PMFBP1: variants seen among roughly 807,000 people sequenced by gnomAD.
PMFBP1 encodes the protein polyamine-modulated factor 1-binding protein 1.
PMFBP1 carries 131 observed loss-of-function variants against 137.8 expected under a neutral mutation model. The observed-to-expected ratio is 0.95, with a 90% CI of 0.82 to 1.10. PMFBP1 has a LOEUF of 1.10. PMFBP1 is among the 50% of genes least tolerant of loss of function. The pLI is 0.00. For missense variants in PMFBP1, 1,199 were observed against 1,175.4 expected (o/e 1.02, Z -0.29); for synonymous variants, 490 against 450.4 (o/e 1.09, Z -1.11).
chr16:72,122,852 C>A, intron 19 of PMFBP1, 62 bp downstream of exon 19: 3 of 1,511,658 alleles, frequency 2.0e-6, no homozygotes, highest in Admixed American at 1.7e-5. Context: ...CCAGCCCTGG[C>A]TCCCTGCTGA....
chr16:72,228,592 G>T, the PMFBP1 span, among the ~76,000 whole-genome samples: 1 of 152,162 alleles, frequency 6.6e-6, no homozygotes, highest in African/African-American at 2.4e-5. Flanking sequence ...CTCATTGACA[G>T]CTGTATTCCC....
At chr16:72,164,952 A>G (rs768630822) in intron 2 of PMFBP1, 36 bp from the exon 3 acceptor site, 3 of 1,545,676 alleles carry the variant, frequency 1.9e-6, no homozygotes, top group Admixed American at 1.9e-5. Context: ...TCAATTATAA[A>G]CTATCAAGAA....
chr16:72,130,641 C>A lies in PMFBP1; in HGVS notation c.1529G>T (p.Gly510Val). Residue 510 changes from glycine (G) to valine (V), a missense_variant, in exon 11 of 21, where the codon GGT becomes GTT. By Grantham distance (109) the Gly-to-Val change is moderately radical (BLOSUM62 -3). Coordinates refer to ENST00000237353, the MANE Select transcript of PMFBP1 (RefSeq NM_031293.3). ...LEDTQRKLQK[G>V]LLLDKQKADT... The stretch of plus-strand genomic sequence containing the variant: ...TGCCTTCTGCTTGTCCAGGAGGAGA[C>A]CCTTCTGCAGTTTCCTCTGGGTGTC... 1 of 1,613,924 alleles carries A rather than the reference C, an allele frequency of 6.2e-7. No homozygotes were observed.
chr16:72,151,330 T>C (rs2042900354), intron 4 of PMFBP1, among the ~76,000 whole-genome samples: 1 of 152,236 alleles, frequency 6.6e-6, no homozygotes, highest in Non-Finnish European at 1.5e-5. Flanking sequence ...ATTTATTTTC[T>C]TCCTCATCAA....
intron 2 of PMFBP1, among the ~76,000 whole-genome samples, chr16:72,168,274 G>A (rs933282422): frequency 7.2e-5 from 11 of 152,156 alleles, no homozygotes; most frequent in African/African-American, 2.2e-4. Context: ...AAAATGCTGG[G>A]AGAGTGATCA....
Position 72,150,832 on chromosome 16 carries a change from G to A in PMFBP1, c.415-3C>T. The A allele has an allele frequency of 6.2e-7, 1 of 1,610,548 alleles. No individual in the cohort carries two copies. The highest frequency in any genetic ancestry group is 1.7e-4 in the Middle Eastern group (1 of 6,058). On this transcript the variant is annotated splice_polypyrimidine_tract_variant and splice_region_variant and intron_variant, in intron 4 of 20. Coordinates refer to ENST00000237353, the MANE Select transcript of PMFBP1 (RefSeq NM_031293.3). ...ATTTCCTCCTCATAGAGAATCACCTGTAGGTGTAGGAATAAATCCACATTG... is the reference window on the plus strand; with the variant it reads ...ATTTCCTCCTCATAGAGAATCACCTATAGGTGTAGGAATAAATCCACATTG...
chr16:72,125,053 A>C (rs1267944306), intron 16 of PMFBP1, 119 bp from the exon 17 acceptor site: 38 of 1,395,612 alleles, frequency 2.7e-5, no homozygotes, highest in Non-Finnish European at 3.6e-5. Flanking sequence ...TTTTCTTCTC[A>C]GTGGCCAGCA....
At chr16:72,239,300 T>A in the PMFBP1 span, among the ~76,000 whole-genome samples, 1 of 152,200 alleles carries the variant, frequency 6.6e-6, no homozygotes, top group Non-Finnish European at 1.5e-5. Flanking sequence ...GTTTTGAGAC[T>A]TGAAGGAATC....
At chr16:72,224,006 C>T in the PMFBP1 span, among the ~76,000 whole-genome samples, 1 of 152,150 alleles carries the variant, frequency 6.6e-6, no homozygotes, top group Non-Finnish European at 1.5e-5. Context: ...AGATTTGACA[C>T]TGGAAATGAA....
chr16:72,119,198 G>A lies in PMFBP1; in HGVS notation c.*140C>T. On this transcript the variant is annotated 3_prime_UTR_variant, in exon 21 of 21. Coordinates refer to ENST00000237353, the MANE Select transcript of PMFBP1 (RefSeq NM_031293.3). ...AGGAAGTGGACAAAACTCAACAAAA[G>A]TTAGTGTCTTGCAAAATAGGCTGGG... 1 of 963,144 alleles carries A rather than the reference G, an allele frequency of 1.0e-6. No homozygotes were observed. The highest frequency in any genetic ancestry group is 1.6e-6 in the Non-Finnish European group (1 of 620,320). 59.7% of individuals were successfully genotyped at this position (963,144 alleles called of 1,614,324 possible). A position where few individuals can be genotyped will look rare whatever the true frequency, so the allele number is the denominator to read the frequency against.
chr16:72,240,732 C>T, the PMFBP1 span, among the ~76,000 whole-genome samples: 1 of 152,234 alleles, frequency 6.6e-6, no homozygotes, highest in Non-Finnish European at 1.5e-5. Context: ...TGTCCTAGGA[C>T]AAGTCACTTC....
chr16:72,188,912 G>C, the PMFBP1 span, among the ~76,000 whole-genome samples: 1 of 152,236 alleles, frequency 6.6e-6, no homozygotes, highest in Non-Finnish European at 1.5e-5. Context: ...GCCAGGCTAG[G>C]ATTTAGAGGT....
At chr16:72,148,574 A>C (rs975972003) in intron 5 of PMFBP1, among the ~76,000 whole-genome samples, 2 of 152,194 alleles carry the variant, frequency 1.3e-5, no homozygotes, top group South Asian at 4.1e-4. Flanking sequence ...ACCACTAATA[A>C]AGTAAAATGA....
the PMFBP1 span, among the ~76,000 whole-genome samples, chr16:72,187,529 G>A: frequency 6.6e-6 from 1 of 152,218 alleles, no homozygotes; most frequent in Non-Finnish European, 1.5e-5. Flanking sequence ...ATTTTGGAGG[G>A]GGAGTGGTGA....
In PMFBP1 at chr16:72,119,111, T is replaced by C. The variant is rs1299228545; in HGVS notation, c.*227A>G. The C allele has an allele frequency of 1.7e-5, 9 of 516,688 alleles. No homozygotes were observed. Among genetic ancestry groups the C allele is most frequent in the East Asian group, 3.2e-5 (1 of 31,372 alleles). 32.0% of individuals were successfully genotyped at this position (516,688 alleles called of 1,614,324 possible). A position where few individuals can be genotyped will look rare whatever the true frequency, so the allele number is the denominator to read the frequency against. Reference sequence around the variant, plus strand: ...ACCACAACTGCTGTGCTCATGCTCATGTCTTTATTTCAGAGTTTGGGCCTG... The same window carrying C: ...ACCACAACTGCTGTGCTCATGCTCACGTCTTTATTTCAGAGTTTGGGCCTG... On this transcript the variant is annotated 3_prime_UTR_variant, in exon 21 of 21. Coordinates refer to ENST00000237353, the MANE Select transcript of PMFBP1 (RefSeq NM_031293.3).
the PMFBP1 span, among the ~76,000 whole-genome samples, chr16:72,225,720 T>C: frequency 1.4e-5 from 2 of 144,082 alleles, no homozygotes; most frequent in Non-Finnish European, 3.0e-5. Flanking sequence ...ATAATAATAA[T>C]AATAATAATA....
chr16:72,229,428 C>T, the PMFBP1 span, among the ~76,000 whole-genome samples: 2 of 152,182 alleles, frequency 1.3e-5, no homozygotes, highest in African/African-American at 4.8e-5. Context: ...GAGAAATTGC[C>T]AAACTGCTTT....
chr16:72,164,420 G>T, intron 3 of PMFBP1: 1 of 1,322,330 alleles, frequency 7.6e-7, no homozygotes, highest in Non-Finnish European at 9.9e-7. Context: ...TTAGAAGTTT[G>T]TCTGAGATCC....
chr16:72,192,532 C>A, the PMFBP1 span, among the ~76,000 whole-genome samples: 1 of 152,028 alleles, frequency 6.6e-6, no homozygotes, highest in African/African-American at 2.4e-5. Flanking sequence ...AAGCATTACC[C>A]CTTACAGGAT....
Sources: allele counts gnomAD v4.1 joint callset (sites outside exome capture counted in the v4.1 genomes callset), GRCh38; gene constraint gnomAD v4.1.1; transcripts MANE v1.5; gene names NCBI Gene and HGNC (gene_info 2026-07-23, HGNC 2026-07-21).